The following PBX2 variants were observed in gnomAD, a reference collection of about 807,000 sequenced individuals.
PBX2 encodes the protein PBX homeobox 2, also known as pre-B-cell leukemia transcription factor 2.
A neutral mutation model predicts 46.5 loss-of-function variants in PBX2; 10 were observed. The ratio of observed to expected loss-of-function variants is 0.21; its 90% CI spans 0.13 to 0.36. The LOEUF is 0.36. Among genes scored for constraint, PBX2 ranks in the 10% least tolerant of loss-of-function variants. The pLI, the probability that PBX2 is intolerant of heterozygous loss-of-function variation, is 1.00. For synonymous variants in PBX2, 160 were observed against 222.5 expected (o/e 0.72, Z 2.50); for missense variants, 392 against 580.5 (o/e 0.68, Z 3.34).
Position 32,188,713 on chromosome 6 carries a change from G to C in PBX2, c.295+10C>G, listed in dbSNP as rs1787258078. On this transcript the variant is annotated intron_variant, in intron 2 of 8. Coordinates refer to ENST00000375050, the MANE Select transcript of PBX2 (RefSeq NM_002586.5). This position sits in a 1 kb window ranked among gnomAD's most constrained non-coding sequence, Gnocchi z 6.5. Reference sequence around the variant, plus strand: ...CCCAGAGTTGAGCAATCCGGGGGGGGCCCACATACCAGTTTTCTCCTTGAT... The same window carrying C: ...CCCAGAGTTGAGCAATCCGGGGGGGCCCCACATACCAGTTTTCTCCTTGAT... 1 of 1,612,204 alleles carries C rather than the reference G, an allele frequency of 6.2e-7. No individual in the cohort carries two copies. Among genetic ancestry groups the C allele is most frequent in the South Asian group, 1.1e-5 (1 of 91,076 alleles).
At position 32,189,718 on chromosome 6, in the gene PBX2, C is replaced by T. The variant is rs771349224; in HGVS notation, c.198G>A (p.Gln66=). ...ACTTGGCCTGGGCCTCGTCCAGGCT[C>T]TGGTCGGTGATGGTCATTATCTGCT... ...ILQQIMTITD[Q]SLDEAQAKKH... Residue 66 remains glutamine (Q), a synonymous_variant, in exon 1 of 9, where the codon CAG becomes CAA. Coordinates refer to ENST00000375050, the MANE Select transcript of PBX2 (RefSeq NM_002586.5). This position sits in a 1 kb window ranked among gnomAD's most constrained non-coding sequence, Gnocchi z 4.7. 5 of 1,610,018 alleles carry T rather than the reference C, an allele frequency of 3.1e-6. No homozygotes were observed. In the Admixed American group the frequency reaches 5.0e-5, roughly 16 times the overall value.
rs1787177564 is a variant in PBX2, at chr6:32,187,110, C to G, written c.1024+132G>C. The G allele has an allele frequency of 1.6e-6, 2 of 1,227,450 alleles. No homozygotes were observed. The highest frequency in any genetic ancestry group is 2.3e-6 in the Non-Finnish European group (2 of 871,186). The allele number at this position is 1,227,450 out of a possible 1,614,324, so 76.0% of individuals were successfully genotyped here. ...TGGAATGGCCTCTGTCCCCTGACATCTCCAGCCTATCTCAGCTCGGTCCCT... is the reference window on the plus strand; with the variant it reads ...TGGAATGGCCTCTGTCCCCTGACATGTCCAGCCTATCTCAGCTCGGTCCCT... On this transcript the variant is annotated intron_variant, in intron 6 of 8. Coordinates refer to ENST00000375050, the MANE Select transcript of PBX2 (RefSeq NM_002586.5). This position sits in a 1 kb window ranked among gnomAD's most constrained non-coding sequence, Gnocchi z 7.7.
Position 32,187,412 on chromosome 6 carries a change from A to C in PBX2, c.871-17T>G. 6.2e-7 allele frequency: 1 copy of C among 1,611,158 alleles called. No homozygotes were observed. ...GTTGGAGACCTGTGGGGCAGAAAGG[A>C]GGGTCAGGTAGAAACATTTGCCTCT... On this transcript the variant is annotated splice_polypyrimidine_tract_variant and intron_variant, in intron 5 of 8. Coordinates refer to ENST00000375050, the MANE Select transcript of PBX2 (RefSeq NM_002586.5). This position sits in a 1 kb window ranked among gnomAD's most constrained non-coding sequence, Gnocchi z 7.7.
In PBX2 at chr6:32,189,370, T is replaced by C. The variant is rs1218318130; in HGVS notation, c.221+325A>G. Among the ~76,000 whole-genome samples the C allele has an allele frequency of 6.6e-6, 1 of 151,830 alleles. No individual in the cohort carries two copies. Among genetic ancestry groups the C allele is most frequent in the Non-Finnish European group, 1.5e-5 (1 of 67,938 alleles). On this transcript the variant is annotated intron_variant, in intron 1 of 8. Coordinates refer to ENST00000375050, the MANE Select transcript of PBX2 (RefSeq NM_002586.5). The surrounding 1 kb of genome is among the most constrained non-coding windows in gnomAD (Gnocchi z 4.7). The stretch of plus-strand genomic sequence containing the variant: ...CTGGGTGGAGAGTTAGGGGAGAAGA[T>C]AACGTAGCCCAAGAACAGTTTCTTA...
rs374916233 is a variant in PBX2 at position 32,186,340 on chromosome 6, G to C, written c.*42C>G. The stretch of plus-strand genomic sequence containing the variant: ...TGGAAGCCTGCGTCCTCTTCAAGTC[G>C]CCTTGTGAGAGCCCCCACCCCTGTG... On this transcript the variant is annotated 3_prime_UTR_variant, in exon 9 of 9. Transcript: ENST00000375050. This position sits in a 1 kb window ranked among gnomAD's most constrained non-coding sequence, Gnocchi z 4.2. 15 of 1,427,950 alleles carry C rather than the reference G, an allele frequency of 1.1e-5. No individual in the cohort carries two copies. The highest frequency in any genetic ancestry group is 1.4e-5 in the African/African-American group (1 of 71,432). 88.5% of individuals were successfully genotyped at this position (1,427,950 alleles called of 1,614,324 possible). A position where few individuals can be genotyped will look rare whatever the true frequency, so the allele number is the denominator to read the frequency against.
chr6:32,189,870 C>G lies in PBX2; in HGVS notation c.46G>C (p.Gly16Arg). ...TCCCCACTCACCAATCCCAGGCCCC[C>G]CCGGCCCCCGCCTGGAGGGGGCGGC... ...LGPPPPGGGR[G>R]GLGLVSGEPG... Residue 16 changes from glycine (G) to arginine (R), a missense_variant, in exon 1 of 9, where the codon GGG becomes CGG. Physicochemically the swap from Gly to Arg is moderately radical, Grantham distance 125. Around this residue, in one of 3 missense-constraint regions of PBX2, gnomAD observed 196 missense variants for 246.9 expected, o/e 0.79. Coordinates refer to ENST00000375050, the MANE Select transcript of PBX2 (RefSeq NM_002586.5). This position sits in a 1 kb window ranked among gnomAD's most constrained non-coding sequence, Gnocchi z 4.7. The G allele has an allele frequency of 6.7e-7, 1 of 1,487,786 alleles. No individual in the cohort carries two copies. Among genetic ancestry groups the G allele is most frequent in the Non-Finnish European group, 9.0e-7 (1 of 1,117,108 alleles). The allele number at this position is 1,487,786 out of a possible 1,614,324, so 92.2% of individuals were successfully genotyped here. A position where few individuals can be genotyped will look rare whatever the true frequency, so the allele number is the denominator to read the frequency against.
At position 32,186,508 on chromosome 6, in the gene PBX2, A is replaced by G. The variant is rs204995; in HGVS notation, c.1201-34T>C. 0.24 allele frequency: 391,035 copies of G among 1,599,042 alleles called. 50,717 individuals are homozygous for G. Among genetic ancestry groups the G allele is most frequent in the African/African-American group, 0.39 (28,977 of 74,596 alleles). ...AGAGACAGAGTACAGAAAACAGAGA[A>G]AGCCCTGGGAACCCTGTGTGGGCAC... On this transcript the variant is annotated intron_variant, in intron 8 of 8. Coordinates refer to ENST00000375050, the MANE Select transcript of PBX2 (RefSeq NM_002586.5). The surrounding 1 kb of genome is among the most constrained non-coding windows in gnomAD (Gnocchi z 4.2).
At position 32,190,188 on chromosome 6, in the gene PBX2, G is replaced by A. The variant is rs1787386161; in HGVS notation, c.-273C>T. On this transcript the variant is annotated 5_prime_UTR_variant, in exon 1 of 9. Transcript: ENST00000375050. ...CAAGCGGGGGTGTGTGTGAGAGAGA[G>A]GGAGGAGGGAGGAGGGAGAAGGGGG... 3.4e-6 allele frequency: 1 copy of A among 293,806 alleles called. No individual in the cohort carries two copies. 18.2% of individuals were successfully genotyped at this position (293,806 alleles called of 1,614,324 possible).
In PBX2 at chr6:32,189,887, G is replaced by C; in HGVS notation, c.29C>G (p.Pro10Arg). The C allele has an allele frequency of 1.4e-6, 2 of 1,441,584 alleles. No homozygotes were observed. Among genetic ancestry groups the C allele is most frequent in the Non-Finnish European group, 1.8e-6 (2 of 1,089,296 alleles). 89.3% of individuals were successfully genotyped at this position (1,441,584 alleles called of 1,614,324 possible). A position where few individuals can be genotyped will look rare whatever the true frequency, so the allele number is the denominator to read the frequency against. ...CAGGCCCCCCCGGCCCCCGCCTGGA[G>C]GGGGCGGCCCCAGTAGCCGTTCGTC... MDERLLGPPPPGGGRGGLGL... is the reference protein window; with the variant it reads MDERLLGPPRPGGGRGGLGL... Residue 10 changes from proline (P) to arginine (R), a missense_variant, in exon 1 of 9, where the codon CCT (proline) becomes CGT (arginine). Around this residue, in one of 3 missense-constraint regions of PBX2, gnomAD observed 196 missense variants for 246.9 expected, o/e 0.79. Transcript: ENST00000375050. This position sits in a 1 kb window ranked among gnomAD's most constrained non-coding sequence, Gnocchi z 4.7.
chr6:32,185,009 A>G lies in PBX2; in HGVS notation c.*1373T>C, dbSNP rs1786948418. 6.6e-6 allele frequency: 1 copy of G among 152,466 alleles called. No individual in the cohort carries two copies. The highest frequency in any genetic ancestry group is 6.5e-5 in the Admixed American group (1 of 15,284). 9.4% of individuals were successfully genotyped at this position (152,466 alleles called of 1,614,324 possible). On this transcript the variant is annotated 3_prime_UTR_variant, in exon 9 of 9. Coordinates refer to ENST00000375050, the MANE Select transcript of PBX2 (RefSeq NM_002586.5). ...ACAGTGTTGATGTTACTTTTCCCCC[A>G]CATCTGGCTTTTTGCAACCTCCTCC...
rs1003637966 is a variant in PBX2 at position 32,187,178 on chromosome 6, T to C, written c.1024+64A>G. ...CCTCTCTGCTATGATCCTGCCTAGA[T>C]AGGAAGTGGGAACAAAAGCAGGAAG... On this transcript the variant is annotated intron_variant, in intron 6 of 8. Transcript: ENST00000375050. This position sits in a 1 kb window ranked among gnomAD's most constrained non-coding sequence, Gnocchi z 7.7. The C allele has an allele frequency of 9.4e-6, 15 of 1,595,904 alleles. No homozygotes were observed. Among genetic ancestry groups the C allele is most frequent in the Non-Finnish European group, 1.2e-5 (14 of 1,166,898 alleles).
chr6:32,189,910 G>A lies in PBX2; in HGVS notation c.6C>T (p.Asp2=), dbSNP rs1375500481. M[D]ERLLGPPPPG... is the part of the protein sequence containing the mutation. The stretch of plus-strand genomic sequence containing the variant: ...GAGGGGGCGGCCCCAGTAGCCGTTC[G>A]TCCATAGCTGGGGGGGGGCCCTGAG... Residue 2 remains aspartate, a synonymous_variant, in exon 1 of 9, where the codon GAC becomes GAT. Transcript: ENST00000375050. The surrounding 1 kb of genome is among the most constrained non-coding windows in gnomAD (Gnocchi z 4.7). 1.2e-5 allele frequency: 16 copies of A among 1,345,868 alleles called. No homozygotes were observed. Among genetic ancestry groups the A allele is most frequent in the Non-Finnish European group, 1.5e-5 (15 of 1,023,184 alleles). 83.4% of individuals were successfully genotyped at this position (1,345,868 alleles called of 1,614,324 possible).
At position 32,187,842 on chromosome 6, in the gene PBX2, T is replaced by C; in HGVS notation, c.735-60A>G. On this transcript the variant is annotated intron_variant, in intron 4 of 8. Coordinates refer to ENST00000375050, the MANE Select transcript of PBX2 (RefSeq NM_002586.5). This position sits in a 1 kb window ranked among gnomAD's most constrained non-coding sequence, Gnocchi z 7.7. ...TTGATGTCCTGGCAGGGCTGTCACA[T>C]GGCATGACCCCAGAGTCACCATTGT... is the stretch of plus-strand genomic sequence containing the variant. The C allele has an allele frequency of 6.3e-7, 1 of 1,594,864 alleles. No individual in the cohort carries two copies. The highest frequency in any genetic ancestry group is 1.1e-5 in the South Asian group (1 of 87,798).
In PBX2 at chr6:32,189,783, G is replaced by A. The variant is rs144084871; in HGVS notation, c.133C>T (p.Pro45Ser). The A allele has an allele frequency of 8.2e-4, 1,322 of 1,603,434 alleles. 13 individuals are homozygous for A. The African/African-American group carries it at 0.015, about 19-fold the overall frequency. Residue 45 changes from proline to serine, a missense_variant, in exon 1 of 9, where the codon CCG becomes TCG. Pro to Ser is a moderately conservative substitution (Grantham distance 74, BLOSUM62 -1). This residue lies in a region of PBX2 where 196 missense variants were observed against 246.9 expected (regional missense o/e 0.79). Transcript: ENST00000375050. The surrounding 1 kb of genome is among the most constrained non-coding windows in gnomAD (Gnocchi z 4.7). Reference protein sequence around the residue: ...GDPGGGSGGVPGGRGKQDIGD... With the variant: ...GDPGGGSGGVSGGRGKQDIGD... ...ATGTCTTGCTTCCCTCGGCCTCCCG[G>A]GACCCCCCCGCTACCCCCACCGGGG...
At position 32,188,612 on chromosome 6, in the gene PBX2, C is replaced by G; in HGVS notation, c.296-108G>C. The stretch of plus-strand genomic sequence containing the variant: ...AGTTCCCAGGCTTTGGTTCCTTCCC[C>G]AGTCCCCCTGACTCCTTACTTTCCT... On this transcript the variant is annotated intron_variant, in intron 2 of 8. Coordinates refer to ENST00000375050, the MANE Select transcript of PBX2 (RefSeq NM_002586.5). The surrounding 1 kb of genome is among the most constrained non-coding windows in gnomAD (Gnocchi z 6.5). 6.3e-7 allele frequency: 1 copy of G among 1,575,056 alleles called. No homozygotes were observed. The highest frequency in any genetic ancestry group is 1.4e-5 in the African/African-American group (1 of 73,806).
Position 32,188,274 on chromosome 6 carries a change from G to A in PBX2, c.526C>T (p.Leu176=). 6.2e-7 allele frequency: 1 copy of A among 1,613,866 alleles called. No individual in the cohort carries two copies. Among genetic ancestry groups the A allele is most frequent in the African/African-American group, 1.3e-5 (1 of 75,010 alleles). ...CTCCTTACCTGCTCATACTTCTCCA[G>A]CTCCGAGTGGTATATGTGACGGATC... ...AQIRHIYHSE[L]EKYEQACNEF... is the part of the protein sequence containing the mutation. Residue 176 remains leucine (L), a synonymous_variant, in exon 3 of 9, where the codon CTG becomes TTG. Coordinates refer to ENST00000375050, the MANE Select transcript of PBX2 (RefSeq NM_002586.5). This position sits in a 1 kb window ranked among gnomAD's most constrained non-coding sequence, Gnocchi z 6.5.
At position 32,187,821 on chromosome 6, in the gene PBX2, T is replaced by C; in HGVS notation, c.735-39A>G. The C allele has an allele frequency of 6.2e-7, 1 of 1,607,404 alleles. No individual in the cohort carries two copies. Among genetic ancestry groups the C allele is most frequent in the Non-Finnish European group, 8.5e-7 (1 of 1,176,914 alleles). On this transcript the variant is annotated intron_variant, in intron 4 of 8. Coordinates refer to ENST00000375050, the MANE Select transcript of PBX2 (RefSeq NM_002586.5). This position sits in a 1 kb window ranked among gnomAD's most constrained non-coding sequence, Gnocchi z 7.7. ...AGAAGAGCAGTGAGGAGGATGTTGA[T>C]GTCCTGGCAGGGCTGTCACATGGCA... is the stretch of plus-strand genomic sequence containing the variant.
rs1024244112 is a variant in PBX2, at chr6:32,185,529, A to T, written c.*853T>A. The T allele has an allele frequency of 5.7e-4, 3 of 5,230 alleles. No homozygotes were observed. The highest frequency in any genetic ancestry group is 4.3e-3 in the Admixed American group (1 of 234). 0.3% of individuals were successfully genotyped at this position (5,230 alleles called of 1,614,324 possible). A position where few individuals can be genotyped will look rare whatever the true frequency, so the allele number is the denominator to read the frequency against. On this transcript the variant is annotated 3_prime_UTR_variant, in exon 9 of 9. Coordinates refer to ENST00000375050, the MANE Select transcript of PBX2 (RefSeq NM_002586.5). ...CCCCTAATATGGGAAAGTAAGAAAT[A>T]AAAAAAAAAAAAGACAAGAAATCAA...
In PBX2 at chr6:32,189,757, G is replaced by A; in HGVS notation, c.159C>T (p.Ile53=). Residue 53 remains isoleucine (I), a synonymous_variant, in exon 1 of 9, where the codon ATC becomes ATT. Transcript: ENST00000375050. The surrounding 1 kb of genome is among the most constrained non-coding windows in gnomAD (Gnocchi z 4.7). ...TCATTATCTGCTGCAGAATGTCCCC[G>A]ATGTCTTGCTTCCCTCGGCCTCCCG... ...GVPGGRGKQD[I]GDILQQIMTI... 1.2e-6 allele frequency: 2 copies of A among 1,606,952 alleles called. No homozygotes were observed. The highest frequency in any genetic ancestry group is 1.1e-5 in the South Asian group (1 of 90,800).
Sources: allele counts gnomAD v4.1 joint callset (sites outside exome capture counted in the v4.1 genomes callset), GRCh38; gene constraint gnomAD v4.1.1; regional missense constraint gnomAD v4.1.1; non-coding constraint Gnocchi (gnomAD v3.1); transcripts MANE v1.5; gene names NCBI Gene and HGNC (gene_info 2026-07-23, HGNC 2026-07-21).